MYO1D: variants seen among roughly 807,000 people sequenced by gnomAD.
MYO1D encodes the protein myosin ID, also known as unconventional myosin-Id.
A neutral mutation model predicts 122.0 loss-of-function variants in MYO1D; 83 were observed. The observed-to-expected ratio is 0.68, with a 90% CI of 0.57 to 0.82. MYO1D has a LOEUF of 0.82. MYO1D is among the 40% of genes least tolerant of loss of function. The pLI, the probability that MYO1D is intolerant of heterozygous loss-of-function variation, is 0.00. For missense variants in MYO1D, 1,157 were observed against 1,269.5 expected (o/e 0.91, Z 1.35); for synonymous variants, 464 against 446.9 (o/e 1.04, Z -0.48).
intron 21 of MYO1D, among the ~76,000 whole-genome samples, chr17:32,504,055 G>T (rs1244618447): frequency 6.6e-6 from 1 of 152,208 alleles, no homozygotes; most frequent in Non-Finnish European, 1.5e-5. Context: ...TCTGCAGCTG[G>T]TGAGGAATGG....
chr17:32,691,762 A>G (rs995339089), intron 16 of MYO1D, among the ~76,000 whole-genome samples: 4 of 152,206 alleles, frequency 2.6e-5, no homozygotes, highest in African/African-American at 9.6e-5. Flanking sequence ...TTTCCTTAGT[A>G]TTAATTTCTA....
Position 32,741,969 on chromosome 17 carries a change from C to T in MYO1D, c.1613+3242G>A, listed in dbSNP as rs1199667474. Among the ~76,000 whole-genome samples the T allele has an allele frequency of 8.1e-5, 12 of 147,474 alleles. No individual in the cohort carries two copies. The East Asian group carries it at 1.2e-3, about 15-fold the overall frequency. Reference sequence around the variant, plus strand: ...GGCGGAGCTTGCAGTGAGCCGAGATCGCGCCACTGCACTACAGCCTGGGCG... The same window carrying T: ...GGCGGAGCTTGCAGTGAGCCGAGATTGCGCCACTGCACTACAGCCTGGGCG... On this transcript the variant is annotated intron_variant, in intron 13 of 21. Coordinates refer to ENST00000318217, the MANE Select transcript of MYO1D (RefSeq NM_015194.3).
chr17:32,713,244 C>T (rs2089402130), intron 15 of MYO1D, among the ~76,000 whole-genome samples: 2 of 152,050 alleles, frequency 1.3e-5, no homozygotes, highest in African/African-American at 4.8e-5. Flanking sequence ...AGGTATGGAT[C>T]TAATTTTATC....
intron 21 of MYO1D, among the ~76,000 whole-genome samples, chr17:32,546,930 A>G (rs895701304): frequency 6.9e-6 from 1 of 145,972 alleles, no homozygotes; most frequent in Non-Finnish European, 1.5e-5. Context: ...TTTTTTAGAG[A>G]CAGGGTCTTG....
chr17:32,787,661 C>T (rs1385837338), intron 1 of MYO1D, among the ~76,000 whole-genome samples: 3 of 152,182 alleles, frequency 2.0e-5, no homozygotes, highest in Non-Finnish European at 4.4e-5. Context: ...TCGTGATCTG[C>T]CAGCCTCAGC....
chr17:32,847,720 G>T (rs56406939), intron 1 of MYO1D, among the ~76,000 whole-genome samples: 61,740 of 151,834 alleles, frequency 0.41, 12,888 homozygotes, highest in East Asian at 0.53. Context: ...TTGCCATGTT[G>T]CCCAGGCTGA....
intron 16 of MYO1D, among the ~76,000 whole-genome samples, chr17:32,680,991 T>C (rs1341908970): frequency 6.6e-6 from 1 of 152,188 alleles, no homozygotes; most frequent in African/African-American, 2.4e-5. Context: ...AGAGTGTATG[T>C]GTCGAGGAAT....
At chr17:32,750,500 A>G (rs1462339235) in intron 11 of MYO1D, among the ~76,000 whole-genome samples, 1 of 152,134 alleles carries the variant, frequency 6.6e-6, no homozygotes, top group East Asian at 1.9e-4. Context: ...CTGTAGTCCC[A>G]GCTACTCGGG....
chr17:32,827,226 T>G (rs2090730366), intron 1 of MYO1D, among the ~76,000 whole-genome samples: 2 of 152,240 alleles, frequency 1.3e-5, no homozygotes, highest in Non-Finnish European at 2.9e-5. Context: ...AAAGACATTC[T>G]GACACATGCT....
At chr17:32,553,098 C>T (rs201911883) in intron 21 of MYO1D, among the ~76,000 whole-genome samples, 6 of 110,138 alleles carry the variant, frequency 5.4e-5, no homozygotes, top group Admixed American at 5.2e-4. Flanking sequence ...AAACAAAAAA[C>T]AAAACAAAAA....
intron 21 of MYO1D, among the ~76,000 whole-genome samples, chr17:32,559,283 T>C (rs2087096961): frequency 6.6e-6 from 1 of 152,260 alleles, no homozygotes; most frequent in African/African-American, 2.4e-5. Flanking sequence ...ATACTTTTCT[T>C]AAATTAAGTT....
At chr17:32,547,418 T>C (rs1390673488) in intron 21 of MYO1D, among the ~76,000 whole-genome samples, 1 of 152,244 alleles carries the variant, frequency 6.6e-6, no homozygotes, top group Non-Finnish European at 1.5e-5. Context: ...AGCTAAGGAA[T>C]GTGAGGCTCT....
intron 21 of MYO1D, chr17:32,504,831 C>T (rs1909440788): frequency 6.6e-6 from 1 of 152,266 alleles, no homozygotes; most frequent in Admixed American, 6.5e-5. Flanking sequence ...TTGGCCCCCT[C>T]CCTCAAAGTG....
At chr17:32,750,220 T>G (rs2089884142) in intron 11 of MYO1D, among the ~76,000 whole-genome samples, 1 of 152,190 alleles carries the variant, frequency 6.6e-6, no homozygotes, top group Non-Finnish European at 1.5e-5. Context: ...TCTACAATCT[T>G]CCTTGTTACA....
intron 16 of MYO1D, among the ~76,000 whole-genome samples, chr17:32,676,075 G>A (rs2729347): frequency 0.66 from 100,972 of 151,910 alleles, 33,919 homozygotes; most frequent in Middle Eastern, 0.77. Flanking sequence ...AGTGATATAT[G>A]CAGTAACATT....
chr17:32,856,721 G>A (rs1016164744), intron 1 of MYO1D, among the ~76,000 whole-genome samples: 2 of 151,836 alleles, frequency 1.3e-5, no homozygotes, highest in African/African-American at 4.8e-5. Flanking sequence ...CTCCTCTCAG[G>A]GTCCTTATTA....
intron 16 of MYO1D, among the ~76,000 whole-genome samples, chr17:32,667,613 A>G (rs2088654125): frequency 6.6e-6 from 1 of 152,218 alleles, no homozygotes; most frequent in Admixed American, 6.5e-5. Context: ...GAGTCTGATC[A>G]TTACAAGCCG....
chr17:32,799,439 C>T (rs1157801031), intron 1 of MYO1D, among the ~76,000 whole-genome samples: 2 of 152,192 alleles, frequency 1.3e-5, no homozygotes, highest in East Asian at 1.9e-4. Context: ...TAGCTGTCCT[C>T]AATCTCTTCA....
chr17:32,571,016 G>C (rs556484125), intron 21 of MYO1D, among the ~76,000 whole-genome samples: 47 of 152,282 alleles, frequency 3.1e-4, no homozygotes, highest in African/African-American at 1.1e-3. Flanking sequence ...AGTGCTGGAG[G>C]GGGAGTGCTG....
Sources: allele counts gnomAD v4.1 joint callset (sites outside exome capture counted in the v4.1 genomes callset), GRCh38; gene constraint gnomAD v4.1.1; transcripts MANE v1.5; gene names NCBI Gene and HGNC (gene_info 2026-07-23, HGNC 2026-07-21).